Variants in CERK observed in about 807,000 individuals in gnomAD.
CERK encodes ceramide kinase.
Under a neutral mutation model 63.4 loss-of-function variants are expected in CERK, and 39 were observed. The ratio of observed to expected loss-of-function variants is 0.61; its 90% CI spans 0.48 to 0.80. CERK has a LOEUF of 0.80. Ranked by LOEUF, CERK falls within the 30% of genes least tolerant of loss-of-function variation. CERK has a pLI of 0.00. For synonymous variants in CERK, 302 were observed against 280.0 expected (o/e 1.08, Z -0.78); for missense variants, 670 against 714.1 (o/e 0.94, Z 0.70).
rs1214649941 is a variant in CERK at position 46,695,280 on chromosome 22, C to T, written c.979G>A (p.Gly327Arg). Reference sequence around the variant, plus strand: ...TGTGCAGGGAGGAAGGACACTGTCCCTTCATAGCAGTGGTGGGAGAGGAAG... The same window carrying T: ...TGTGCAGGGAGGAAGGACACTGTCCTTTCATAGCAGTGGTGGGAGAGGAAG... ...KTFLSHHCYE[G>R]TVSFLPAQHT... The change falls in exon 9 of 13, where the codon GGG becomes AGG. Residue 327 changes from glycine to arginine, a missense_variant. By Grantham distance (125) the Gly-to-Arg change is moderately radical. Transcript: ENST00000216264. The T allele has an allele frequency of 6.2e-7, 1 of 1,611,934 alleles. No homozygotes were observed. Among genetic ancestry groups the T allele is most frequent in the African/African-American group, 1.3e-5 (1 of 74,906 alleles).
intron 3 of CERK, among the ~76,000 whole-genome samples, chr22:46,717,564 A>G (rs1441088045): frequency 6.6e-6 from 1 of 152,274 alleles, no homozygotes; most frequent in South Asian, 2.1e-4. Context: ...GCCGAGAGCC[A>G]GGCACAAAAG....
intron 1 of CERK, among the ~76,000 whole-genome samples, chr22:46,736,479 G>A (rs1006643234): frequency 6.6e-6 from 1 of 152,340 alleles, no homozygotes; most frequent in South Asian, 2.1e-4. Context: ...GAACCCATCC[G>A]GTTTGAAGCC....
intron 10 of CERK, among the ~76,000 whole-genome samples, chr22:46,692,919 A>G (rs1249272622): frequency 6.6e-6 from 1 of 151,288 alleles, no homozygotes; most frequent in African/African-American, 2.4e-5. Context: ...AAAAAAAAAA[A>G]AAAAAGAAGA....
At position 46,693,444 on chromosome 22, in the gene CERK, T is replaced by C. The variant is rs1355698695; in HGVS notation, c.1109A>G (p.Tyr370Cys). 1.2e-6 allele frequency: 2 copies of C among 1,614,128 alleles called. No individual in the cohort carries two copies. Among genetic ancestry groups the C allele is most frequent in the Non-Finnish European group, 8.5e-7 (1 of 1,179,982 alleles). The part of the protein sequence containing the change: ...QLEEEQKKAL[Y>C]GLEAAEDVEE... Reference sequence around the variant, plus strand: ...GGAATTACCCGCAGCTTCCAAACCATACAGTGCTTTCTTCTGCTCCTCCTC... The same window carrying C: ...GGAATTACCCGCAGCTTCCAAACCACACAGTGCTTTCTTCTGCTCCTCCTC... The change falls in exon 10 of 13, where the codon TAT becomes TGT. Residue 370 changes from tyrosine to cysteine, a missense_variant. Physicochemically the swap from Tyr to Cys is radical, Grantham distance 194. Transcript: ENST00000216264.
At chr22:46,699,213 G>A (rs566984702) in intron 8 of CERK, 100 bp downstream of exon 8, 9 of 1,228,936 alleles carry the variant, frequency 7.3e-6, no homozygotes, top group Admixed American at 3.6e-5. Flanking sequence ...GCAGGTGGGG[G>A]CCCACCTCTG....
In CERK at chr22:46,699,295, T is replaced by G. The variant is rs1569320888; in HGVS notation, c.943+18A>C. 6.2e-7 allele frequency: 1 copy of G among 1,613,670 alleles called. No homozygotes were observed. The highest frequency in any genetic ancestry group is 2.2e-5 in the East Asian group (1 of 44,880). Reference sequence around the variant, plus strand: ...GGGCACGACCAGCGGGGAGCGAGTCTGCATTATTCTGAGTTACCTGAAAAG... The same window carrying G: ...GGGCACGACCAGCGGGGAGCGAGTCGGCATTATTCTGAGTTACCTGAAAAG... On this transcript the variant is annotated intron_variant, in intron 8 of 12. Transcript: ENST00000216264.
At chr22:46,713,390 T>G (rs567648046) in intron 3 of CERK, among the ~76,000 whole-genome samples, 46 of 149,450 alleles carry the variant, frequency 3.1e-4, no homozygotes, top group African/African-American at 1.1e-3. Flanking sequence ...GCACCTGTAG[T>G]CCCAGCTACT....
At chr22:46,690,422 CACCTTCCCCGGCGCCT>C (rs1053110689) in intron 11 of CERK, among the ~76,000 whole-genome samples, 1 of 151,934 alleles carries the variant, frequency 6.6e-6, no homozygotes, top group Non-Finnish European at 1.5e-5. Context: ...TCCCGGCGCC[CACCTTCCCCGGCGCCT>C]ACCTTCCCCG....
chr22:46,698,820 G>A (rs1348753352), intron 8 of CERK, among the ~76,000 whole-genome samples: 1 of 152,186 alleles, frequency 6.6e-6, no homozygotes, highest in Non-Finnish European at 1.5e-5. Flanking sequence ...AGAATCACTT[G>A]AGCCTGGGAG....
In CERK at chr22:46,714,267, T is replaced by C. The variant is rs1455838967; in HGVS notation, c.380-1974A>G. ...GCCTGGGTGACAGAGTAAGACTCCA[T>C]GTCAAAATAAACAAACAAACAAACA... is the stretch of plus-strand genomic sequence containing the variant. On this transcript the variant is annotated intron_variant, in intron 3 of 12. Transcript: ENST00000216264. The surrounding 1 kb of genome is among the most constrained non-coding windows in gnomAD (Gnocchi z 4.4). 6.6e-6 allele frequency among the ~76,000 whole-genome samples: 1 copy of C among 151,784 alleles called. No homozygotes were observed. Among genetic ancestry groups the C allele is most frequent in the Non-Finnish European group, 1.5e-5 (1 of 67,952 alleles).
chr22:46,730,255 TAAA>T (rs67082892), intron 1 of CERK, among the ~76,000 whole-genome samples: 10 of 128,398 alleles, frequency 7.8e-5, no homozygotes, highest in Admixed American at 1.5e-4. Context: ...CTGTCTCTAC[TAAA>T]AAAAAAAAAA....
Position 46,695,255 on chromosome 22 carries a change from T to C in CERK, c.1004A>G (p.Gln335Arg). 2 of 1,612,410 alleles carry C rather than the reference T, an allele frequency of 1.2e-6. No homozygotes were observed. The highest frequency in any genetic ancestry group is 2.2e-5 in the South Asian group (2 of 91,032). Residue 335 changes from glutamine to arginine, a missense_variant, in exon 9 of 13, where the codon CAA (glutamine) becomes CGA (arginine). Physicochemically the swap from Gln to Arg is conservative, Grantham distance 43. Coordinates refer to ENST00000216264, the MANE Select transcript of CERK (RefSeq NM_022766.6). ...ATCCCTTGGAGATCCCACCGTGTGT[T>C]GTGCAGGGAGGAAGGACACTGTCCC... is the stretch of plus-strand genomic sequence containing the variant. Reference protein sequence around the residue: ...YEGTVSFLPAQHTVGSPRDRK... With the variant: ...YEGTVSFLPARHTVGSPRDRK...
intron 11 of CERK, 100 bp downstream of exon 11, chr22:46,691,472 C>T: frequency 9.6e-7 from 1 of 1,041,780 alleles, no homozygotes; most frequent in South Asian, 1.7e-5. Context: ...CCCTTCCTTC[C>T]CTTGAATTAA....
intron 5 of CERK, among the ~76,000 whole-genome samples, chr22:46,709,268 G>A (rs1448746981): frequency 6.6e-6 from 1 of 152,212 alleles, no homozygotes; most frequent in African/African-American, 2.4e-5. Context: ...TGGGGAGAAG[G>A]CGTGCCCTCA....
rs769573502 is a variant in CERK, at chr22:46,687,138, CTG to C, written c.1608_1609del (p.His536GlnfsTer20). 1.9e-6 allele frequency: 3 copies of C among 1,614,102 alleles called. No individual in the cohort carries two copies. The highest frequency in any genetic ancestry group is 1.1e-5 in the South Asian group (1 of 91,088). On this transcript the variant is annotated frameshift_variant, in exon 13 of 13. Coordinates refer to ENST00000216264, the MANE Select transcript of CERK (RefSeq NM_022766.6). LOFTEE classifies it high-confidence loss of function. Reference sequence around the variant, plus strand: ...TGTGAGCAGGACGCCGGCTTCTCAGCTGTGTGAGTCTGGCTTCGGATTCTCTT... The same window carrying C: ...TGTGAGCAGGACGCCGGCTTCTCAGCTGTGAGTCTGGCTTCGGATTCTCTT...
At chr22:46,699,864 AGATCAC>A (rs1333330859) in intron 7 of CERK, among the ~76,000 whole-genome samples, 1 of 152,146 alleles carries the variant, frequency 6.6e-6, no homozygotes, top group East Asian at 1.9e-4. Flanking sequence ...CGAGGCGGGC[AGATCAC>A]CTGAGGTCAG....
At chr22:46,709,903 G>T (rs1391780777) in intron 5 of CERK, among the ~76,000 whole-genome samples, 1 of 152,120 alleles carries the variant, frequency 6.6e-6, no homozygotes. Context: ...GCAAAAATAT[G>T]AATATAAATA....
At chr22:46,725,653 G>C (rs1376778333) in intron 1 of CERK, among the ~76,000 whole-genome samples, 1 of 152,232 alleles carries the variant, frequency 6.6e-6, no homozygotes, top group East Asian at 1.9e-4. Flanking sequence ...ATTCTCGTGA[G>C]ACACCACAGT....
chr22:46,731,407 G>A (rs1331433944), intron 1 of CERK, among the ~76,000 whole-genome samples: 4 of 151,912 alleles, frequency 2.6e-5, no homozygotes, highest in South Asian at 2.1e-4. Flanking sequence ...CCACCCACCC[G>A]GCAATGACAA....
Sources: gnomAD v4.1 joint callset for allele counts (sites outside exome capture counted in the v4.1 genomes callset) on GRCh38, gnomAD v4.1.1 for gene constraint, Gnocchi (gnomAD v3.1) non-coding constraint, MANE v1.5 for transcripts, NCBI Gene and HGNC (gene_info 2026-07-23, HGNC 2026-07-21) for gene names.